The following MYO5A variants were observed in gnomAD, a reference collection of about 807,000 sequenced individuals.
MYO5A encodes the protein unconventional myosin-Va.
A neutral mutation model predicts 249.7 loss-of-function variants in MYO5A; 98 were observed. That is an observed-to-expected ratio of 0.39 (90% confidence interval 0.33 to 0.46). MYO5A has a LOEUF of 0.46. Among genes scored for constraint, MYO5A ranks in the 20% least tolerant of loss-of-function variants. The probability of loss-of-function intolerance (pLI) is 0.98; values close to 1 mark genes in which losing one functional copy is unlikely to be tolerated. For synonymous variants in MYO5A, 778 were observed against 810.6 expected, an observed-to-expected ratio of 0.96 and a Z score of 0.68; for missense variants, 1,696 against 2,308.8, an observed-to-expected ratio of 0.73 and a Z score of 5.44.
At chr15:52,314,900 T>A (rs1286928497) in intron 40 of MYO5A, among the ~76,000 whole-genome samples, 1 of 152,158 alleles carries the variant, frequency 6.6e-6, no homozygotes, top group Non-Finnish European at 1.5e-5. Context: ...AATACAACAG[T>A]AGTAGTCACT....
chr15:52,370,314 C>A lies in MYO5A; in HGVS notation c.2921G>T (p.Ser974Ile), dbSNP rs1200698212. ...AGTGGCAACTTTCGCTTCCTCTTCA[C>A]TTAGTTGAAGACGTTCTAAGTCACT... ...LRSDLERLQL[S>I]EEEAKVATGR... Residue 974 changes from serine to isoleucine, a missense_variant, in exon 22 of 42, where the codon AGT (serine) becomes ATT (isoleucine). Physicochemically the swap from Ser to Ile is moderately radical, Grantham distance 142. Coordinates refer to ENST00000399233, the MANE Select transcript of MYO5A (RefSeq NM_001382347.1). The A allele has an allele frequency of 1.2e-6, 2 of 1,614,126 alleles. No individual in the cohort carries two copies. The highest frequency in any genetic ancestry group is 4.5e-5 in the East Asian group (2 of 44,872).
chr15:52,427,080 A>G (rs982176208), intron 3 of MYO5A, among the ~76,000 whole-genome samples: 7 of 152,122 alleles, frequency 4.6e-5, no homozygotes, highest in Non-Finnish European at 7.3e-5. Context: ...AAGAGAAAGG[A>G]TGTAAATCAA....
intron 32 of MYO5A, among the ~76,000 whole-genome samples, chr15:52,338,691 T>C (rs2039238539): frequency 6.6e-6 from 1 of 152,208 alleles, no homozygotes; most frequent in African/African-American, 2.4e-5. Context: ...CTGGGCTCTA[T>C]TAGCTTAGAA....
intron 29 of MYO5A, 122 bp from the exon 30 acceptor site, chr15:52,346,583 C>G: frequency 1.4e-6 from 1 of 722,316 alleles, no homozygotes. Context: ...TGTGACCCAC[C>G]AAAGCATCAG....
chr15:52,392,385 G>C (rs1361534081), intron 11 of MYO5A, among the ~76,000 whole-genome samples: 1 of 152,216 alleles, frequency 6.6e-6, no homozygotes, highest in Non-Finnish European at 1.5e-5. Context: ...AGTTATCGTA[G>C]AGTGCTGCTA....
intron 1 of MYO5A, among the ~76,000 whole-genome samples, chr15:52,446,675 A>C (rs946467961): frequency 6.6e-6 from 1 of 152,226 alleles, no homozygotes; most frequent in Non-Finnish European, 1.5e-5. Flanking sequence ...ACTCCAACCC[A>C]TAAGAACAGC....
chr15:52,356,879 TAA>T (rs953692155), intron 25 of MYO5A, among the ~76,000 whole-genome samples: 3 of 148,686 alleles, frequency 2.0e-5, no homozygotes, highest in African/African-American at 7.8e-5. Context: ...AGAGTAGTGT[TAA>T]GTGTTATTCC....
intron 4 of MYO5A, among the ~76,000 whole-genome samples, chr15:52,417,578 A>T (rs2043563956): frequency 6.6e-6 from 1 of 152,148 alleles, no homozygotes; most frequent in Admixed American, 6.5e-5. Flanking sequence ...ATTCATGTTG[A>T]AATTTAATTG....
chr15:52,439,147 G>A (rs2075732113), intron 1 of MYO5A, among the ~76,000 whole-genome samples: 1 of 152,226 alleles, frequency 6.6e-6, no homozygotes, highest in South Asian at 2.1e-4. Flanking sequence ...GAATCCGTGA[G>A]GCCAAGAACC....
intron 15 of MYO5A, 24 bp from the exon 16 acceptor site, chr15:52,383,212 G>A: frequency 1.3e-6 from 2 of 1,559,930 alleles, no homozygotes; most frequent in Non-Finnish European, 8.8e-7. Context: ...GGCAGAAGAG[G>A]GTATCAAGGC....
chr15:52,449,280 T>C (rs2075965216), intron 1 of MYO5A, among the ~76,000 whole-genome samples: 1 of 152,194 alleles, frequency 6.6e-6, no homozygotes, highest in South Asian at 2.1e-4. Context: ...CAGGTATTTC[T>C]TTATAGCAGT....
intron 4 of MYO5A, among the ~76,000 whole-genome samples, chr15:52,422,291 T>C (rs373495222): frequency 6.6e-6 from 1 of 152,234 alleles, no homozygotes; most frequent in Non-Finnish European, 1.5e-5. Context: ...TCACTGGACA[T>C]AGATCTGCTT....
intron 12 of MYO5A, among the ~76,000 whole-genome samples, chr15:52,390,400 CA>C (rs1017581685): frequency 8.6e-5 from 13 of 151,808 alleles, no homozygotes; most frequent in African/African-American, 3.1e-4. Flanking sequence ...CTAGTACCCA[CA>C]AAAATTAAAA....
In MYO5A at chr15:52,314,111, G is replaced by A. The variant is rs760389666; in HGVS notation, c.5490+12C>T. The A allele has an allele frequency of 4.4e-6, 7 of 1,585,676 alleles. No individual in the cohort carries two copies. In the African/African-American group the frequency reaches 8.1e-5, roughly 18 times the overall value. On this transcript the variant is annotated intron_variant, in intron 41 of 41. Transcript: ENST00000399233. Reference sequence around the variant, plus strand: ...GTGTTGGTGAATCAAAGAAGAAGATGGGAGCTCTTACCTGTATAGTACGAA... The same window carrying A: ...GTGTTGGTGAATCAAAGAAGAAGATAGGAGCTCTTACCTGTATAGTACGAA...
At chr15:52,377,252 T>C (rs2041463481) in intron 18 of MYO5A, among the ~76,000 whole-genome samples, 1 of 151,944 alleles carries the variant, frequency 6.6e-6, no homozygotes, top group Non-Finnish European at 1.5e-5. Flanking sequence ...TGAAACCCTG[T>C]CTCTATTAAA....
At chr15:52,429,811 C>G (rs1327981790) in intron 2 of MYO5A, among the ~76,000 whole-genome samples, 1 of 152,176 alleles carries the variant, frequency 6.6e-6, no homozygotes, top group Non-Finnish European at 1.5e-5. Flanking sequence ...CACTATGTTG[C>G]CCAGGCTGAT....
intron 1 of MYO5A, among the ~76,000 whole-genome samples, chr15:52,498,259 T>G (rs575586255): frequency 2.0e-5 from 3 of 152,336 alleles, no homozygotes; most frequent in Admixed American, 1.3e-4. Context: ...TTATCTCCAC[T>G]TGGATACACT....
intron 1 of MYO5A, among the ~76,000 whole-genome samples, chr15:52,528,505 T>G (rs1359667449): frequency 6.6e-6 from 1 of 151,926 alleles, no homozygotes; most frequent in African/African-American, 2.4e-5. Context: ...CCCTTTCCAC[T>G]CCGAAGCCCG....
rs2038844148 is a variant in MYO5A, at chr15:52,330,584, A to G, written c.4409-85T>C. ...TCCAAGTTCCTATAATTTTGAATGC[A>G]TTCTACAACAACCGAAACTTGCCAT... On this transcript the variant is annotated intron_variant, in intron 34 of 41. Coordinates refer to ENST00000399233, the MANE Select transcript of MYO5A (RefSeq NM_001382347.1). The G allele has an allele frequency of 4.0e-6, 6 of 1,487,484 alleles. No individual in the cohort carries two copies. In the South Asian group the frequency reaches 7.1e-5, roughly 17 times the overall value. 92.1% of individuals were successfully genotyped at this position (1,487,484 alleles called of 1,614,324 possible). A position where few individuals can be genotyped will look rare whatever the true frequency, so the allele number is the denominator to read the frequency against.
Sources: allele counts gnomAD v4.1 joint callset (sites outside exome capture counted in the v4.1 genomes callset), GRCh38; gene constraint gnomAD v4.1.1; transcripts MANE v1.5; gene names NCBI Gene and HGNC (gene_info 2026-07-23, HGNC 2026-07-21).